PM20D2: variants seen among roughly 807,000 people sequenced by gnomAD.
PM20D2 encodes the protein xaa-Arg dipeptidase.
PM20D2 carries 33 observed loss-of-function variants against 42.9 expected under a neutral mutation model. The ratio of observed to expected loss-of-function variants is 0.77; its 90% CI spans 0.58 to 1.03. The LOEUF is 1.03. Among genes scored for constraint, PM20D2 ranks in the 50% least tolerant of loss-of-function variants. The pLI, the probability that PM20D2 is intolerant of heterozygous loss-of-function variation, is 0.00. For missense variants in PM20D2, 548 were observed against 557.0 expected (o/e 0.98, Z 0.16); for synonymous variants, 250 against 228.2 (o/e 1.10, Z -0.86).
At chr6:89,105,064 ATATC>A in the PM20D2 span, 1 of 1,505,412 alleles carries the variant, frequency 6.6e-7, no homozygotes, top group Non-Finnish European at 9.0e-7. Context: ...AAAAAAATAT[ATATC>A]TATTTCCCAG....
the PM20D2 span, among the ~76,000 whole-genome samples, chr6:89,128,934 C>T: frequency 6.6e-6 from 1 of 152,102 alleles, no homozygotes; most frequent in Non-Finnish European, 1.5e-5. Context: ...TCAGGAAATA[C>T]AGGGGCTAAA....
In PM20D2 at chr6:89,146,144, C is replaced by T; in HGVS notation, c.-1C>T. Reference sequence around the variant, plus strand: ...CGCAGAGGGCAGCGGGCTTGGGCAGCATGAGGCCCGGAGGGGAGCGGCCCG... The same window carrying T: ...CGCAGAGGGCAGCGGGCTTGGGCAGTATGAGGCCCGGAGGGGAGCGGCCCG... On this transcript the variant is annotated 5_prime_UTR_variant, in exon 1 of 7. Transcript: ENST00000275072. 1.4e-6 allele frequency: 2 copies of T among 1,481,094 alleles called. No homozygotes were observed. Among genetic ancestry groups the T allele is most frequent in the Non-Finnish European group, 1.8e-6 (2 of 1,122,820 alleles). 91.7% of individuals were successfully genotyped at this position (1,481,094 alleles called of 1,614,324 possible).
chr6:89,137,307 G>A, the PM20D2 span, among the ~76,000 whole-genome samples: 1 of 152,184 alleles, frequency 6.6e-6, no homozygotes, highest in African/African-American at 2.4e-5. Context: ...AGGATTCCTT[G>A]AGGCCAGAAG....
the PM20D2 span, among the ~76,000 whole-genome samples, chr6:89,113,420 C>T: frequency 6.6e-6 from 1 of 152,134 alleles, no homozygotes; most frequent in Non-Finnish European, 1.5e-5. Flanking sequence ...GATCCGCCCA[C>T]TTTGGCCTCC....
At chr6:89,113,946 A>C in the PM20D2 span, among the ~76,000 whole-genome samples, 1 of 152,184 alleles carries the variant, frequency 6.6e-6, no homozygotes, top group African/African-American at 2.4e-5. Flanking sequence ...CCCTATCTTT[A>C]AAGCTAATTT....
chr6:89,161,985 C>T, intron 6 of PM20D2, 95 bp downstream of exon 6: 1 of 1,473,876 alleles, frequency 6.8e-7, no homozygotes, highest in Non-Finnish European at 9.4e-7. Flanking sequence ...TACATAACAT[C>T]ACCTCAGTAA....
At chr6:89,111,747 T>C in the PM20D2 span, among the ~76,000 whole-genome samples, 1 of 152,194 alleles carries the variant, frequency 6.6e-6, no homozygotes, top group Admixed American at 6.5e-5. Context: ...CATCATTAAG[T>C]ATGATGTTAG....
intron 5 of PM20D2, among the ~76,000 whole-genome samples, chr6:89,158,780 G>A (rs188218329): frequency 1.3e-5 from 2 of 152,290 alleles, no homozygotes; most frequent in African/African-American, 4.8e-5. Context: ...TTCATTCTCA[G>A]TCATCACAAT....
At chr6:89,147,977 CTCTT>C (rs765556359) in intron 1 of PM20D2, among the ~76,000 whole-genome samples, 1 of 116,006 alleles carries the variant, frequency 8.6e-6, no homozygotes, top group African/African-American at 3.5e-5. Context: ...GAAATGTACA[CTCTT>C]TTTTTTTTTT....
At chr6:89,153,856 C>G (rs933788972) in intron 3 of PM20D2, among the ~76,000 whole-genome samples, 34 of 152,158 alleles carry the variant, frequency 2.2e-4, no homozygotes, top group African/African-American at 6.3e-4. Context: ...CCCACCTCAG[C>G]CTCCCAAAGT....
At chr6:89,132,016 C>G in the PM20D2 span, among the ~76,000 whole-genome samples, 4 of 152,200 alleles carry the variant, frequency 2.6e-5, no homozygotes, top group Non-Finnish European at 5.9e-5. Context: ...AGTTAGTCAT[C>G]TTTGGAGGAC....
the PM20D2 span, among the ~76,000 whole-genome samples, chr6:89,132,080 G>A: frequency 2.5e-3 from 378 of 152,236 alleles, 1 homozygote; most frequent in African/African-American, 8.7e-3. Context: ...GGACACCTAT[G>A]GAAAGCTGAC....
At chr6:89,127,352 C>T in the PM20D2 span, among the ~76,000 whole-genome samples, 3,414 of 144,482 alleles carry the variant, frequency 0.024, 134 homozygotes, top group African/African-American at 0.084. Context: ...TTTTTTGAGA[C>T]GGAGTGTCAC....
the PM20D2 span, among the ~76,000 whole-genome samples, chr6:89,099,428 G>A: frequency 4.5e-4 from 34 of 74,756 alleles, no homozygotes; most frequent in South Asian, 6.3e-3. Context: ...ATATATATGT[G>A]TGTATATATA....
At chr6:89,130,819 C>CCTTTTTTTT in the PM20D2 span, among the ~76,000 whole-genome samples, 1 of 24,056 alleles carries the variant, frequency 4.2e-5, no homozygotes, top group African/African-American at 1.4e-4. Context: ...GCTTCTTCTT[C>CCTTTTTTTT]TTTTTTTTTT....
At chr6:89,144,611 T>C (rs901912159), upstream of PM20D2, among the ~76,000 whole-genome samples, 3 of 152,226 alleles carry the variant, frequency 2.0e-5, no homozygotes, top group Admixed American at 6.5e-5. Context: ...ACCTCATAGT[T>C]TGCTGTGAGG....
At chr6:89,143,753 C>G (rs897167189), upstream of PM20D2, among the ~76,000 whole-genome samples, 4 of 152,174 alleles carry the variant, frequency 2.6e-5, no homozygotes, top group African/African-American at 9.7e-5. Flanking sequence ...TGACCAGATT[C>G]TAGAAAGCCA....
chr6:89,142,004 TAG>T (rs1253764833), upstream of PM20D2, among the ~76,000 whole-genome samples: 1 of 152,106 alleles, frequency 6.6e-6, no homozygotes, highest in Non-Finnish European at 1.5e-5. Context: ...TTATTTTTTG[TAG>T]AGTCAGGGTC....
chr6:89,105,301 C>A, the PM20D2 span: 1 of 1,581,324 alleles, frequency 6.3e-7, no homozygotes, highest in Non-Finnish European at 8.6e-7. Context: ...AATTCGTTAC[C>A]TGAACACCAC....
Sources: gnomAD v4.1 joint callset for allele counts (sites outside exome capture counted in the v4.1 genomes callset) on GRCh38, gnomAD v4.1.1 for gene constraint, MANE v1.5 for transcripts, NCBI Gene and HGNC (gene_info 2026-07-23, HGNC 2026-07-21) for gene names.